ABCC2: variants seen among roughly 807,000 people sequenced by gnomAD.
ABCC2 encodes the protein ATP binding cassette subfamily C member 2, also known as ATP-binding cassette sub-family C member 2.
ABCC2 carries 157 observed loss-of-function variants against 173.4 expected under a neutral mutation model. The observed-to-expected ratio is 0.91, with a 90% CI of 0.80 to 1.03. ABCC2 has a LOEUF of 1.03. Among genes scored for constraint, ABCC2 ranks in the 50% least tolerant of loss-of-function variants. The pLI is 0.00. For missense variants in ABCC2, 1,822 were observed against 1,852.3 expected, an observed-to-expected ratio of 0.98 and a Z score of 0.30; for synonymous variants, 657 against 693.5, an observed-to-expected ratio of 0.95 and a Z score of 0.83.
At position 99,830,291 on chromosome 10, in the gene ABCC2, T is replaced by C; in HGVS notation, c.2621-16T>C. 1.9e-6 allele frequency: 3 copies of C among 1,614,098 alleles called. No homozygotes were observed. The highest frequency in any genetic ancestry group is 2.5e-6 in the Non-Finnish European group (3 of 1,179,982). On this transcript the variant is annotated splice_polypyrimidine_tract_variant and intron_variant, in intron 19 of 31. Transcript: ENST00000647814. ...TCTATGCAGCTCTTTCCCTAACCTCTACTGTGTCTCCCTAGTCCATGATGG... is the reference window on the plus strand; with the variant it reads ...TCTATGCAGCTCTTTCCCTAACCTCCACTGTGTCTCCCTAGTCCATGATGG...
intron 1 of ABCC2, among the ~76,000 whole-genome samples, chr10:99,783,375 G>A (rs1329795728): frequency 1.3e-5 from 2 of 152,144 alleles, no homozygotes; most frequent in South Asian, 2.1e-4. Flanking sequence ...AACTAGAGTT[G>A]GGTAATATTG....
chr10:99,814,444 T>C (rs1380082326), intron 16 of ABCC2, among the ~76,000 whole-genome samples: 2 of 96,278 alleles, frequency 2.1e-5, no homozygotes. Flanking sequence ...TATACACACA[T>C]ATGTGTGTAT....
intron 23 of ABCC2, among the ~76,000 whole-genome samples, chr10:99,834,127 C>A (rs2038781873): frequency 6.6e-6 from 1 of 152,192 alleles, no homozygotes; most frequent in Non-Finnish European, 1.5e-5. Context: ...GGTGATCCAC[C>A]CGCCTCGGCC....
chr10:99,822,161 C>T (rs2038550488), intron 19 of ABCC2, among the ~76,000 whole-genome samples: 1 of 152,164 alleles, frequency 6.6e-6, no homozygotes, highest in Non-Finnish European at 1.5e-5. Flanking sequence ...GGGAAAGGCA[C>T]ATAGGCCCAG....
At chr10:99,789,968 G>A (rs1330681146) in intron 2 of ABCC2, among the ~76,000 whole-genome samples, 1 of 152,136 alleles carries the variant, frequency 6.6e-6, no homozygotes, top group Non-Finnish European at 1.5e-5. Flanking sequence ...ATGATTCCTT[G>A]AGATGCTGTT....
At chr10:99,800,319 T>C in intron 8 of ABCC2, 67 bp from the exon 9 acceptor site, 1 of 1,530,776 alleles carries the variant, frequency 6.5e-7, no homozygotes, top group Non-Finnish European at 9.0e-7. Flanking sequence ...TCTAGCTGGC[T>C]GTGCATGAGG....
At chr10:99,829,595 T>A (rs182778717) in intron 19 of ABCC2, among the ~76,000 whole-genome samples, 2 of 152,346 alleles carry the variant, frequency 1.3e-5, no homozygotes, top group African/African-American at 4.8e-5. Context: ...TGATTTAAAT[T>A]AATATAAGTT....
chr10:99,806,274 T>C (rs1198870628), intron 11 of ABCC2, among the ~76,000 whole-genome samples: 1 of 152,172 alleles, frequency 6.6e-6, no homozygotes, highest in Non-Finnish European at 1.5e-5. Context: ...GCAGCGATGG[T>C]AACTTGAGCG....
At chr10:99,836,320 T>C in intron 25 of ABCC2, 30 bp downstream of exon 25, 1 of 1,609,046 alleles carries the variant, frequency 6.2e-7, no homozygotes, top group East Asian at 2.2e-5. Context: ...TTTACCCATG[T>C]GTGTACTTTG....
intron 23 of ABCC2, among the ~76,000 whole-genome samples, chr10:99,833,046 C>G (rs557901613): frequency 5.3e-5 from 8 of 152,328 alleles, no homozygotes; most frequent in African/African-American, 1.9e-4. Flanking sequence ...TATGGAGCAG[C>G]TCTGGACTCT....
chr10:99,795,678 G>A (rs780019779), intron 6 of ABCC2, among the ~76,000 whole-genome samples: 3 of 150,312 alleles, frequency 2.0e-5, no homozygotes, highest in Non-Finnish European at 4.4e-5. Context: ...CAGTCTGGGC[G>A]ACAAGAGCAA....
chr10:99,820,052 G>A (rs2038505461), intron 19 of ABCC2, among the ~76,000 whole-genome samples: 1 of 152,196 alleles, frequency 6.6e-6, no homozygotes, highest in African/African-American at 2.4e-5. Context: ...GCCTACAAGT[G>A]ACAGCATGTT....
At chr10:99,821,229 G>A (rs189175157) in intron 19 of ABCC2, among the ~76,000 whole-genome samples, 4,082 of 152,306 alleles carry the variant, frequency 0.027, 158 homozygotes, top group African/African-American at 0.081. Context: ...GCCCTAAGGC[G>A]GTTTTTCCCT....
Position 99,814,600 on chromosome 10 carries a change from CACAT to C in ABCC2, c.2094+1458_2094+1461del, listed in dbSNP as rs1429727171. Among the ~76,000 whole-genome samples, 54 of 98,260 alleles carry C rather than the reference CACAT, an allele frequency of 5.5e-4. 8 individuals carry two copies. Among genetic ancestry groups the C allele is most frequent in the African/African-American group, 1.9e-3 (52 of 28,048 alleles). 64.5% of individuals were successfully genotyped at this position (98,260 alleles called of 152,430 possible). A position where few individuals can be genotyped will look rare whatever the true frequency, so the allele number is the denominator to read the frequency against. ...ATATGTGTATATACACATATACACA[CACAT>C]ATGTGTATATACACATATACACACA... is the stretch of plus-strand genomic sequence containing the variant. On this transcript the variant is annotated intron_variant, in intron 16 of 31. Transcript: ENST00000647814.
chr10:99,842,111 G>A lies in ABCC2; in HGVS notation c.3741+18G>A, dbSNP rs967293683. On this transcript the variant is annotated intron_variant, in intron 26 of 31. Coordinates refer to ENST00000647814, the MANE Select transcript of ABCC2 (RefSeq NM_000392.5). ...CACTCAATGTGAGTTTGAAGGTTGG[G>A]AGTTTGGTTTCGTTAGTGTGCTTAT... 23 of 1,613,978 alleles carry A rather than the reference G, an allele frequency of 1.4e-5. No individual in the cohort carries two copies. The highest frequency in any genetic ancestry group is 1.9e-5 in the Non-Finnish European group (22 of 1,180,016).
chr10:99,794,529 C>A, intron 6 of ABCC2, 61 bp downstream of exon 6: 3 of 1,463,872 alleles, frequency 2.0e-6, no homozygotes, highest in South Asian at 1.2e-5. Flanking sequence ...CTGAAAGTGT[C>A]AGAAAGATTT....
chr10:99,803,440 CCCTTCTCCCTTT>C, intron 9 of ABCC2, among the ~76,000 whole-genome samples: 1 of 152,172 alleles, frequency 6.6e-6, no homozygotes, highest in South Asian at 2.1e-4. Flanking sequence ...TTCCCTCCTT[CCCTTCTCCCTTT>C]CCTCCTTCCC....
In ABCC2 at chr10:99,811,395, C is replaced by T. The variant is rs947455401; in HGVS notation, c.1901-141C>T. The stretch of plus-strand genomic sequence containing the variant: ...CTCATGGTCTCATTCTAGGAGATTT[C>T]ATTCACCTCCTGTTAGCGTAGGAGC... On this transcript the variant is annotated intron_variant, in intron 14 of 31. Coordinates refer to ENST00000647814, the MANE Select transcript of ABCC2 (RefSeq NM_000392.5). 13 of 805,288 alleles carry T rather than the reference C, an allele frequency of 1.6e-5. No homozygotes were observed. In the East Asian group the frequency reaches 3.1e-4, roughly 19 times the overall value. 49.9% of individuals were successfully genotyped at this position (805,288 alleles called of 1,614,324 possible). A position where few individuals can be genotyped will look rare whatever the true frequency, so the allele number is the denominator to read the frequency against.
chr10:99,796,311 C>G (rs1039475038), intron 6 of ABCC2, among the ~76,000 whole-genome samples: 4 of 152,078 alleles, frequency 2.6e-5, no homozygotes, highest in Non-Finnish European at 5.9e-5. Flanking sequence ...TTGAGACCAG[C>G]CTGGCCAACA....
Sources: allele counts gnomAD v4.1 joint callset (sites outside exome capture counted in the v4.1 genomes callset), GRCh38; gene constraint gnomAD v4.1.1; transcripts MANE v1.5; gene names NCBI Gene and HGNC (gene_info 2026-07-23, HGNC 2026-07-21).